DNAH9: variants seen among roughly 807,000 people sequenced by gnomAD.
DNAH9 encodes the protein dynein axonemal heavy chain 9.
Under a neutral mutation model 471.6 loss-of-function variants are expected in DNAH9, and 345 were observed. The observed-to-expected ratio is 0.73, with a 90% CI of 0.67 to 0.80. The LOEUF (loss-of-function observed/expected upper bound fraction) is 0.80. Among genes scored for constraint, DNAH9 ranks in the 30% least tolerant of loss-of-function variants. The probability of loss-of-function intolerance (pLI) is 0.00; values close to 1 mark genes in which losing one functional copy is unlikely to be tolerated. For synonymous variants in DNAH9, 2,093 were observed against 2,123.6 expected (o/e 0.99, Z 0.40); for missense variants, 5,407 against 5,609.2 (o/e 0.96, Z 1.15).
At chr17:11,917,301 C>T (rs572531555) in intron 61 of DNAH9, among the ~76,000 whole-genome samples, 3 of 152,210 alleles carry the variant, frequency 2.0e-5, no homozygotes, top group East Asian at 1.9e-4. Context: ...GGATTACAGG[C>T]GCCCACCACC....
intron 2 of DNAH9, among the ~76,000 whole-genome samples, chr17:11,608,733 C>T (rs1419636907): frequency 1.3e-5 from 2 of 152,144 alleles, no homozygotes; most frequent in Non-Finnish European, 2.9e-5. Context: ...CTATCGCTGC[C>T]GGCTCTTGTT....
In DNAH9 at chr17:11,928,122, TATTC is replaced by T. The variant is rs58807774; in HGVS notation, c.11878-1732_11878-1729del. ...TTATTTATTTATTTATTTATTTATTTATTCATTCATTCATTTATTTATTTATTTT... is the reference window on the plus strand; with the variant it reads ...TTATTTATTTATTTATTTATTTATTTATTCATTCATTTATTTATTTATTTT... On this transcript the variant is annotated intron_variant, in intron 62 of 68. Transcript: ENST00000262442. Among the ~76,000 whole-genome samples, 640 of 133,624 alleles carry T rather than the reference TATTC, an allele frequency of 4.8e-3. 9 individuals are homozygous for T. In the East Asian group the frequency reaches 0.083, roughly 17 times the overall value. The allele number at this position is 133,624 out of a possible 152,430, so 87.7% of individuals were successfully genotyped here.
At chr17:11,717,246 C>CT (rs1567745327) in intron 26 of DNAH9, among the ~76,000 whole-genome samples, 1 of 152,142 alleles carries the variant, frequency 6.6e-6, no homozygotes, top group East Asian at 1.9e-4. Context: ...TCAAAACCAT[C>CT]TGGGAGCTGA....
chr17:11,706,999 A>C (rs1394720993), intron 26 of DNAH9, among the ~76,000 whole-genome samples: 1 of 152,238 alleles, frequency 6.6e-6, no homozygotes, highest in Non-Finnish European at 1.5e-5. Flanking sequence ...AAATTTCATC[A>C]GAATGTGAAA....
rs573355313 is a variant in DNAH9, at chr17:11,867,127, G to A, written c.9934-2007G>A. ...GTCTTCTGCGTCGCTAACGCTGGGAGCTGGAGACCAGAGCTGTTCCTATTC... is the reference window on the plus strand; with the variant it reads ...GTCTTCTGCGTCGCTAACGCTGGGAACTGGAGACCAGAGCTGTTCCTATTC... On this transcript the variant is annotated intron_variant, in intron 50 of 68. Transcript: ENST00000262442. 1.6e-4 allele frequency among the ~76,000 whole-genome samples: 24 copies of A among 152,352 alleles called. No individual in the cohort carries two copies. In the South Asian group the frequency reaches 5.0e-3, roughly 32 times the overall value.
intron 67 of DNAH9, among the ~76,000 whole-genome samples, chr17:11,943,297 G>T (rs1278414674): frequency 6.6e-6 from 1 of 152,100 alleles, no homozygotes; most frequent in African/African-American, 2.4e-5. Context: ...TGTCTCTTGG[G>T]GTTAAACACC....
intron 10 of DNAH9, among the ~76,000 whole-genome samples, chr17:11,641,505 T>C (rs1478961334): frequency 1.3e-5 from 2 of 151,742 alleles, no homozygotes; most frequent in Admixed American, 1.3e-4. Flanking sequence ...ATGGAGGAAA[T>C]GAAGAGAGAA....
chr17:11,951,154 A>G (rs1975348429), intron 67 of DNAH9, among the ~76,000 whole-genome samples: 1 of 152,218 alleles, frequency 6.6e-6, no homozygotes, highest in Non-Finnish European at 1.5e-5. Flanking sequence ...TATTGTTTGT[A>G]AAGGCATTTT....
chr17:11,884,137 G>A (rs1972809189), intron 56 of DNAH9, among the ~76,000 whole-genome samples: 1 of 152,158 alleles, frequency 6.6e-6, no homozygotes, highest in Non-Finnish European at 1.5e-5. Context: ...GTTTGGGCAT[G>A]ATTGCATCCT....
intron 49 of DNAH9, among the ~76,000 whole-genome samples, chr17:11,852,865 AGT>A (rs1452132062): frequency 8.0e-6 from 1 of 125,726 alleles, no homozygotes; most frequent in Admixed American, 8.3e-5. Flanking sequence ...TATATATGAA[AGT>A]GTGTATATAT....
At chr17:11,947,772 A>AATT (rs1555528615) in intron 67 of DNAH9, among the ~76,000 whole-genome samples, 5,720 of 108,224 alleles carry the variant, frequency 0.053, 819 homozygotes, top group South Asian at 0.093. Context: ...GCTGGGAACT[A>AATT]TTTTTTTTTT....
intron 52 of DNAH9, among the ~76,000 whole-genome samples, chr17:11,872,745 C>G (rs1272496863): frequency 2.6e-5 from 4 of 152,098 alleles, no homozygotes; most frequent in African/African-American, 9.7e-5. Flanking sequence ...ACAGTGAAAC[C>G]ACGTCTCTAC....
At chr17:11,903,419 C>T (rs952011406) in intron 60 of DNAH9, among the ~76,000 whole-genome samples, 9 of 151,892 alleles carry the variant, frequency 5.9e-5, no homozygotes, top group Non-Finnish European at 8.8e-5. Flanking sequence ...TATAAATGTT[C>T]TAAAACGGGG....
At chr17:11,887,659 G>A (rs562425389) in intron 57 of DNAH9, among the ~76,000 whole-genome samples, 36 of 152,112 alleles carry the variant, frequency 2.4e-4, no homozygotes, top group Non-Finnish European at 3.8e-4. Context: ...AAGAGGACAT[G>A]CATACATATA....
intron 28 of DNAH9, among the ~76,000 whole-genome samples, chr17:11,729,757 G>A (rs562113031): frequency 6.6e-6 from 1 of 152,198 alleles, no homozygotes; most frequent in African/African-American, 2.4e-5. Flanking sequence ...CTCTGCCCTG[G>A]CAGGAGCCAG....
rs573870956 is a variant in DNAH9, at chr17:11,768,227, G to A, written c.7171-226G>A. Among the ~76,000 whole-genome samples the A allele has an allele frequency of 1.1e-4, 16 of 152,278 alleles. No individual in the cohort carries two copies. In the East Asian group the frequency reaches 1.4e-3, roughly 13 times the overall value. On this transcript the variant is annotated intron_variant, in intron 36 of 68. Transcript: ENST00000262442. The stretch of plus-strand genomic sequence containing the variant: ...ATGGCAGGACCAGGCTGGCTCAGCC[G>A]CATGGTCAAGCAAGGATGCCTGTGC...
intron 59 of DNAH9, among the ~76,000 whole-genome samples, chr17:11,900,913 GCA>G: frequency 6.6e-6 from 1 of 152,126 alleles, no homozygotes; most frequent in Non-Finnish European, 1.5e-5. Flanking sequence ...GTTGATGTGG[GCA>G]CTCTAAAGAA....
At chr17:11,838,758 A>G (rs8081347) in intron 49 of DNAH9, among the ~76,000 whole-genome samples, 75,444 of 151,930 alleles carry the variant, frequency 0.5, 19,683 homozygotes, top group African/African-American at 0.64. Flanking sequence ...CTGGGTTGCA[A>G]CAGCCCGTTT....
At chr17:11,630,944 T>C (rs2073054077) in intron 7 of DNAH9, among the ~76,000 whole-genome samples, 1 of 152,116 alleles carries the variant, frequency 6.6e-6, no homozygotes. Flanking sequence ...TTAATAAAAC[T>C]GAGGGGGAAA....
Sources: allele counts gnomAD v4.1 joint callset (sites outside exome capture counted in the v4.1 genomes callset), GRCh38; gene constraint gnomAD v4.1.1; transcripts MANE v1.5; gene names NCBI Gene and HGNC (gene_info 2026-07-23, HGNC 2026-07-21).